CLN6: variants seen among roughly 807,000 people sequenced by gnomAD.
CLN6 encodes CLN6 transmembrane ER protein.
Under a neutral mutation model 33.3 loss-of-function variants are expected in CLN6, and 22 were observed. The ratio of observed to expected loss-of-function variants is 0.66; its 90% CI spans 0.47 to 0.94. CLN6 has a LOEUF of 0.94. Among genes scored for constraint, CLN6 ranks in the 40% least tolerant of loss-of-function variants. The probability of loss-of-function intolerance (pLI) is 0.00; values close to 1 mark genes in which losing one functional copy is unlikely to be tolerated. For missense variants in CLN6, 387 were observed against 417.1 expected (o/e 0.93, Z 0.63); for synonymous variants, 201 against 174.6 (o/e 1.15, Z -1.19).
chr15:68,214,067 A>G, intron 3 of CLN6: 2 of 505,632 alleles, frequency 4.0e-6, no homozygotes, highest in East Asian at 7.0e-5. Flanking sequence ...TGAGGCTCAA[A>G]TCAAAAGCCC....
At chr15:68,222,181 A>G (rs62002466) in intron 1 of CLN6, among the ~76,000 whole-genome samples, 1,093 of 54,090 alleles carry the variant, frequency 0.02, no homozygotes, top group Middle Eastern at 0.062. Context: ...CGGCCGCCCC[A>G]TCTGGGAGGT....
intron 1 of CLN6, among the ~76,000 whole-genome samples, chr15:68,255,398 C>G (rs1892423401): frequency 1.3e-5 from 2 of 152,170 alleles, no homozygotes; most frequent in African/African-American, 2.4e-5. Flanking sequence ...AGCAGTGGTT[C>G]TGTTTCTAGA....
At chr15:68,214,237 A>G in intron 3 of CLN6, 53 bp downstream of exon 3, 1 of 1,321,504 alleles carries the variant, frequency 7.6e-7, no homozygotes, top group Non-Finnish European at 1.1e-6. Context: ...CCTTCCTGCC[A>G]GGTGTGCAAA....
At chr15:68,218,276 A>C (rs2093226064) in intron 2 of CLN6, 1 of 406,238 alleles carries the variant, frequency 2.5e-6, no homozygotes, top group African/African-American at 2.1e-5. Flanking sequence ...AGGGGGTTAC[A>C]GTATTACAGT....
chr15:68,256,662 G>A lies in CLN6; in HGVS notation c.179+28C>T, dbSNP rs530949791. 8.8e-5 allele frequency: 55 copies of A among 627,752 alleles called. No homozygotes were observed. In the East Asian group the frequency reaches 1.4e-3, roughly 16 times the overall value. The allele number at this position is 627,752 out of a possible 1,614,324, so 38.9% of individuals were successfully genotyped here. A position where few individuals can be genotyped will look rare whatever the true frequency, so the allele number is the denominator to read the frequency against. On this transcript the variant is annotated intron_variant, in intron 1 of 6. Coordinates refer to the CLN6 transcript ENST00000538696. This position sits in a 1 kb window ranked among gnomAD's most constrained non-coding sequence, Gnocchi z 4.1. ...AGAAGGGCTTCGCCCTTGGTTTAATGCGCTGCTCTCATTGCCTTGAAACTT... is the reference window on the plus strand; with the variant it reads ...AGAAGGGCTTCGCCCTTGGTTTAATACGCTGCTCTCATTGCCTTGAAACTT...
intron 1 of CLN6, 46 bp downstream of exon 1, chr15:68,229,456 A>C (rs1277138695): frequency 7.2e-7 from 1 of 1,391,590 alleles, no homozygotes; most frequent in Non-Finnish European, 9.5e-7. Context: ...CCGAGGCCCC[A>C]GCGCACAGGC....
At chr15:68,221,431 C>T (rs993569603) in intron 1 of CLN6, among the ~76,000 whole-genome samples, 3 of 151,922 alleles carry the variant, frequency 2.0e-5, no homozygotes, top group African/African-American at 7.3e-5. Context: ...GGGGTTTCGC[C>T]GTGTTGACCA....
upstream of CLN6, among the ~76,000 whole-genome samples, chr15:68,230,685 A>G (rs1004448609): frequency 6.6e-6 from 1 of 152,196 alleles, no homozygotes. This position sits in a 1 kb window ranked among gnomAD's most constrained non-coding sequence, Gnocchi z 4.0. Flanking sequence ...TGACTATATG[A>G]AACTCTTAGC....
chr15:68,240,987 A>T (rs552885382), intron 1 of CLN6, among the ~76,000 whole-genome samples: 3 of 150,316 alleles, frequency 2.0e-5, no homozygotes, highest in African/African-American at 7.3e-5. Flanking sequence ...CCATCTCCCA[A>T]AAAAAAAAAA....
Position 68,208,727 on chromosome 15 carries a change from C to G in CLN6, c.666-317G>C, listed in dbSNP as rs1469595123. On this transcript the variant is annotated intron_variant, in intron 6 of 6. Coordinates refer to ENST00000249806, the MANE Select transcript of CLN6 (RefSeq NM_017882.3). This position sits in a 1 kb window ranked among gnomAD's most constrained non-coding sequence, Gnocchi z 5.8. Reference sequence around the variant, plus strand: ...AACAAAAACTGACTAGAGGAGAAAGCAACAAACAATTGCCATTACGACGGC... The same window carrying G: ...AACAAAAACTGACTAGAGGAGAAAGGAACAAACAATTGCCATTACGACGGC... Among the ~76,000 whole-genome samples the G allele has an allele frequency of 1.3e-5, 2 of 152,358 alleles. No individual in the cohort carries two copies. Among genetic ancestry groups the G allele is most frequent in the African/African-American group, 2.4e-5 (1 of 41,580 alleles).
chr15:68,218,445 G>C, intron 2 of CLN6, 91 bp downstream of exon 2: 1 of 901,044 alleles, frequency 1.1e-6, no homozygotes, highest in Middle Eastern at 2.2e-4. Flanking sequence ...AGATAAAGGA[G>C]AAGTGACTTG....
rs566489159 is a variant in CLN6, at chr15:68,234,783, A to G, written c.180-16133T>C. Among the ~76,000 whole-genome samples the G allele has an allele frequency of 6.6e-6, 1 of 152,322 alleles. No homozygotes were observed. Among genetic ancestry groups the G allele is most frequent in the South Asian group, 2.1e-4 (1 of 4,824 alleles). On this transcript the variant is annotated intron_variant, in intron 1 of 6. Transcript: ENST00000538696. This position sits in a 1 kb window ranked among gnomAD's most constrained non-coding sequence, Gnocchi z 4.1. ...TGTAATCCCAGCACTTTGGGAGGCC[A>G]AGGTGAGCAGATCATTTGAGGTCGG...
rs1892284536 is a variant in CLN6, at chr15:68,242,120, T to C, written c.179+14570A>G. Among the ~76,000 whole-genome samples, 1 of 152,188 alleles carries C rather than the reference T, an allele frequency of 6.6e-6. No homozygotes were observed. The highest frequency in any genetic ancestry group is 2.4e-5 in the African/African-American group (1 of 41,452). ...GGAACCAGTGATGGCCCTAAGAAGA[T>C]GGCAATATGTGAGCTCTCTGACCAA... On this transcript the variant is annotated intron_variant, in intron 1 of 6. Transcript: ENST00000538696. The surrounding 1 kb of genome is among the most constrained non-coding windows in gnomAD (Gnocchi z 5.0).
chr15:68,218,675 G>T (rs770168482), intron 1 of CLN6, 25 bp from the exon 2 acceptor site: 14 of 1,570,062 alleles, frequency 8.9e-6, no homozygotes, highest in Non-Finnish European at 1.2e-5. Context: ...GACGAGAGAA[G>T]TCAGCTCTTC....
rs1367295410 is a variant in CLN6, at chr15:68,256,834, C to G, written c.35G>C (p.Arg12Thr). ...CAGTGTCTCTGGCCGGGGCCTGCCT[C>G]TCGCTCGCCGCTCCTTCCCGGCAAC... The change falls in exon 1 of 7, where the codon AGA (arginine) becomes ACA (threonine). Residue 12 changes from arginine to threonine, a missense_variant. Coordinates refer to the CLN6 transcript ENST00000538696. The surrounding 1 kb of genome is among the most constrained non-coding windows in gnomAD (Gnocchi z 4.1). 2.9e-6 allele frequency: 2 copies of G among 700,042 alleles called. No individual in the cohort carries two copies. The highest frequency in any genetic ancestry group is 2.0e-5 in the Admixed American group (1 of 49,504). 43.4% of individuals were successfully genotyped at this position (700,042 alleles called of 1,614,324 possible).
chr15:68,254,551 G>T, intron 1 of CLN6: 1 of 483,726 alleles, frequency 2.1e-6, no homozygotes, highest in Non-Finnish European at 3.7e-6. Context: ...TGAGCAGTGT[G>T]AAAAAGAGGT....
intron 1 of CLN6, among the ~76,000 whole-genome samples, chr15:68,235,986 T>C (rs2041611324): frequency 6.6e-6 from 1 of 152,188 alleles, no homozygotes; most frequent in African/African-American, 2.4e-5. Context: ...TTTAGAGCCC[T>C]AAGCTTTTTG....
chr15:68,209,798 C>A lies in CLN6; in HGVS notation c.543-39G>T. 3 of 1,609,336 alleles carry A rather than the reference C, an allele frequency of 1.9e-6. No homozygotes were observed. Among genetic ancestry groups the A allele is most frequent in the African/African-American group, 1.3e-5 (1 of 74,926 alleles). The stretch of plus-strand genomic sequence containing the variant: ...GCCAGTGTCTTAGAGGCCTGCTCAG[C>A]GGCCCTCTTCCCCACAACCTCTGCA... On this transcript the variant is annotated intron_variant, in intron 5 of 6. Coordinates refer to ENST00000249806, the MANE Select transcript of CLN6 (RefSeq NM_017882.3). The surrounding 1 kb of genome is among the most constrained non-coding windows in gnomAD (Gnocchi z 4.9).
intron 1 of CLN6, among the ~76,000 whole-genome samples, 172 bp downstream of exon 1, chr15:68,229,330 G>C (rs1192968028): frequency 6.6e-6 from 1 of 152,176 alleles, no homozygotes; most frequent in Non-Finnish European, 1.5e-5. Context: ...AAGGAAACGC[G>C]GGGGCACCGC....
Sources: allele counts gnomAD v4.1 joint callset (sites outside exome capture counted in the v4.1 genomes callset), GRCh38; gene constraint gnomAD v4.1.1; non-coding constraint Gnocchi (gnomAD v3.1); transcripts MANE v1.5; gene names NCBI Gene and HGNC (gene_info 2026-07-23, HGNC 2026-07-21).